The following DPP10 variants were observed in gnomAD, a reference collection of about 807,000 sequenced individuals.
DPP10 encodes the protein dipeptidyl peptidase like 10, also known as inactive dipeptidyl peptidase 10.
Under a neutral mutation model 120.9 loss-of-function variants are expected in DPP10, and 33 were observed. That is an observed-to-expected ratio of 0.27 (90% CI 0.21 to 0.37). The LOEUF (loss-of-function observed/expected upper bound fraction) is 0.37, where lower values mean the gene tolerates loss of function less well. DPP10 is among the 10% of genes least tolerant of loss of function. The pLI is 1.00. For synonymous variants in DPP10, 337 were observed against 326.1 expected, an observed-to-expected ratio of 1.03 and a Z score of -0.36; for missense variants, 816 against 942.8, an observed-to-expected ratio of 0.87 and a Z score of 1.76.
intron 1 of DPP10, among the ~76,000 whole-genome samples, chr2:115,111,118 C>T (rs1381883950): frequency 6.6e-6 from 1 of 152,136 alleles, no homozygotes. Flanking sequence ...GATAATGTCC[C>T]AAGCATACAC....
chr2:115,514,857 T>C (rs2077416578), intron 4 of DPP10, among the ~76,000 whole-genome samples: 1 of 151,854 alleles, frequency 6.6e-6, no homozygotes, highest in Non-Finnish European at 1.5e-5. Flanking sequence ...AATGAAGCCA[T>C]GTAAATATTT....
intron 1 of DPP10, among the ~76,000 whole-genome samples, chr2:115,081,120 T>A (rs946296854): frequency 6.6e-6 from 1 of 152,216 alleles, no homozygotes; most frequent in African/African-American, 2.4e-5. Context: ...TTTTTAATTA[T>A]CTTGCATGGG....
chr2:114,799,372 C>T (rs894047543), intron 1 of DPP10, among the ~76,000 whole-genome samples: 1 of 152,164 alleles, frequency 6.6e-6, no homozygotes, highest in African/African-American at 2.4e-5. Flanking sequence ...TTCTCATTCA[C>T]AGGATCATAC....
chr2:115,616,295 C>G (rs2084490969), intron 5 of DPP10, among the ~76,000 whole-genome samples: 1 of 151,900 alleles, frequency 6.6e-6, no homozygotes, highest in African/African-American at 2.4e-5. Context: ...TCATTCAATT[C>G]TCATAAAATC....
At chr2:115,399,075 C>T (rs1211296423) in intron 3 of DPP10, among the ~76,000 whole-genome samples, 2 of 152,132 alleles carry the variant, frequency 1.3e-5, no homozygotes, top group Non-Finnish European at 2.9e-5. Context: ...TACTCTGAGG[C>T]AGTGTCGGTG....
chr2:114,777,581 A>T (rs1410069219), intron 1 of DPP10, among the ~76,000 whole-genome samples: 1 of 152,116 alleles, frequency 6.6e-6, no homozygotes, highest in Non-Finnish European at 1.5e-5. Context: ...GCTGGGAAGA[A>T]GTAGCCCTTT....
At chr2:114,902,269 A>C (rs1693636211) in intron 1 of DPP10, among the ~76,000 whole-genome samples, 1 of 152,318 alleles carries the variant, frequency 6.6e-6, no homozygotes, top group African/African-American at 2.4e-5. Context: ...AATGTGATCA[A>C]TATCAAATTT....
At chr2:115,761,067 A>G (rs1680054145) in intron 11 of DPP10, among the ~76,000 whole-genome samples, 1 of 146,344 alleles carries the variant, frequency 6.8e-6, no homozygotes, top group Non-Finnish European at 1.5e-5. Flanking sequence ...ACTGCACTCC[A>G]GCCTGGGCAA....
intron 7 of DPP10, among the ~76,000 whole-genome samples, chr2:115,693,728 C>T (rs1279275241): frequency 6.6e-6 from 1 of 151,908 alleles, no homozygotes; most frequent in Non-Finnish European, 1.5e-5. Flanking sequence ...TATAGGTTCC[C>T]TGTTTGAAGC....
intron 1 of DPP10, among the ~76,000 whole-genome samples, chr2:114,875,301 T>G (rs762990516): frequency 5.3e-5 from 8 of 152,130 alleles, no homozygotes; most frequent in Non-Finnish European, 1.0e-4. Flanking sequence ...TGATGTAGTT[T>G]CTACTCACAA....
chr2:114,543,960 TC>T (rs1304888145), intron 1 of DPP10, among the ~76,000 whole-genome samples: 8 of 151,958 alleles, frequency 5.3e-5, no homozygotes, highest in African/African-American at 1.9e-4. Flanking sequence ...TTTTTCTAAT[TC>T]AACAAATTTA....
chr2:114,444,483 T>C (rs1449685562), intron 1 of DPP10, among the ~76,000 whole-genome samples: 1 of 152,176 alleles, frequency 6.6e-6, no homozygotes, highest in Non-Finnish European at 1.5e-5. Flanking sequence ...TTTTCTTTAT[T>C]GAGTAAGCAT....
intron 1 of DPP10, among the ~76,000 whole-genome samples, chr2:115,184,246 T>C (rs17355518): frequency 0.061 from 9,227 of 152,268 alleles, 373 homozygotes; most frequent in Non-Finnish European, 0.089. Flanking sequence ...CTGAATGATA[T>C]AAACTTTAGC....
intron 5 of DPP10, among the ~76,000 whole-genome samples, chr2:115,603,170 A>G (rs995758458): frequency 1.1e-3 from 146 of 138,448 alleles, no homozygotes; most frequent in African/African-American, 3.5e-3. Context: ...GTGTGTGTGT[A>G]TAGTCATCTG....
At chr2:115,210,604 A>G (rs1014973131) in intron 1 of DPP10, among the ~76,000 whole-genome samples, 1 of 152,180 alleles carries the variant, frequency 6.6e-6, no homozygotes, top group Non-Finnish European at 1.5e-5. Flanking sequence ...ACTGTCTTCC[A>G]CAATGGTTGA....
intron 1 of DPP10, among the ~76,000 whole-genome samples, chr2:115,295,701 T>C (rs2060855117): frequency 6.6e-6 from 1 of 152,100 alleles, no homozygotes; most frequent in African/African-American, 2.4e-5. Flanking sequence ...TTCATTAATT[T>C]CTGCTTTTTT....
At chr2:115,006,873 A>G (rs1701887198) in intron 1 of DPP10, among the ~76,000 whole-genome samples, 1 of 151,974 alleles carries the variant, frequency 6.6e-6, no homozygotes, top group African/African-American at 2.4e-5. Context: ...CGGACCTAAT[A>G]GACATCTACA....
intron 1 of DPP10, among the ~76,000 whole-genome samples, chr2:114,507,491 A>G (rs552243079): frequency 6.6e-6 from 1 of 152,282 alleles, no homozygotes; most frequent in South Asian, 2.1e-4. Context: ...AACTACCTTA[A>G]AATCAGCTTA....
intron 7 of DPP10, among the ~76,000 whole-genome samples, chr2:115,720,784 G>A (rs1305921349): frequency 6.6e-6 from 1 of 152,030 alleles, no homozygotes; most frequent in African/African-American, 2.4e-5. Context: ...TGTTCTTAAA[G>A]ACATTGATAA....
Sources: gnomAD v4.1 joint callset for allele counts (sites outside exome capture counted in the v4.1 genomes callset) on GRCh38, gnomAD v4.1.1 for gene constraint, MANE v1.5 for transcripts, NCBI Gene and HGNC (gene_info 2026-07-23, HGNC 2026-07-21) for gene names.